Variants in TNFSF4 observed in about 807,000 individuals in gnomAD.
The protein encoded by TNFSF4 is TNF superfamily member 4, also known as tumor necrosis factor ligand superfamily member 4.
In TNFSF4, 4 loss-of-function variants were observed where a neutral mutation model predicts 7.3. The observed-to-expected ratio is 0.55, with a 90% confidence interval of 0.27 to 1.25. The LOEUF (loss-of-function observed/expected upper bound fraction) is 1.25, where lower values mean the gene tolerates loss of function less well. Among genes scored for constraint, TNFSF4 ranks in the 50% most tolerant of loss-of-function variants. The probability of loss-of-function intolerance (pLI) is 0.12; values close to 1 mark genes in which losing one functional copy is unlikely to be tolerated. For missense variants in TNFSF4, 181 were observed against 208.8 expected (o/e 0.87, Z 0.82); for synonymous variants, 76 against 83.7 (o/e 0.91, Z 0.50).
the TNFSF4 span, among the ~76,000 whole-genome samples, chr1:173,286,361 T>C: frequency 6.6e-6 from 1 of 152,282 alleles, no homozygotes; most frequent in African/African-American, 2.4e-5. Context: ...CAAACCATTA[T>C]GAAACTGAAG....
chr1:173,307,256 T>A, the TNFSF4 span, among the ~76,000 whole-genome samples: 2 of 151,986 alleles, frequency 1.3e-5, no homozygotes, highest in Non-Finnish European at 2.9e-5. Flanking sequence ...TTAAGTTATA[T>A]ACTATTGATA....
the TNFSF4 span, among the ~76,000 whole-genome samples, chr1:173,231,885 A>G: frequency 6.6e-6 from 1 of 152,132 alleles, no homozygotes. Flanking sequence ...AGAATAAAAT[A>G]AAGTACTTTA....
At chr1:173,390,777 C>A in the TNFSF4 span, among the ~76,000 whole-genome samples, 1 of 123,032 alleles carries the variant, frequency 8.1e-6, no homozygotes, top group Non-Finnish European at 1.6e-5. Flanking sequence ...TAGAGTTTCG[C>A]TCTTGTTGCC....
At chr1:173,237,095 C>T in the TNFSF4 span, among the ~76,000 whole-genome samples, 2 of 152,176 alleles carry the variant, frequency 1.3e-5, no homozygotes, top group Admixed American at 6.5e-5. Context: ...CTTGCACAAG[C>T]TGTCTTGCCT....
the TNFSF4 span, among the ~76,000 whole-genome samples, chr1:173,369,148 G>C: frequency 6.6e-6 from 1 of 152,114 alleles, no homozygotes; most frequent in Non-Finnish European, 1.5e-5. Context: ...CCATTCATAT[G>C]ATGAGAAGTG....
the TNFSF4 span, among the ~76,000 whole-genome samples, chr1:173,320,958 C>G: frequency 6.6e-6 from 1 of 151,980 alleles, no homozygotes; most frequent in Admixed American, 6.6e-5. Flanking sequence ...GACTTTCTTC[C>G]CAGAATTAGA....
At chr1:173,409,544 C>A in the TNFSF4 span, among the ~76,000 whole-genome samples, 2 of 152,048 alleles carry the variant, frequency 1.3e-5, no homozygotes, top group Non-Finnish European at 2.9e-5. Flanking sequence ...TGCCAGTTTT[C>A]TTTAGGATTG....
the TNFSF4 span, among the ~76,000 whole-genome samples, chr1:173,235,067 C>T: frequency 6.6e-6 from 1 of 152,008 alleles, no homozygotes; most frequent in Non-Finnish European, 1.5e-5. Context: ...TTTAGTGTTC[C>T]CTTTATTTTG....
At chr1:173,210,087 T>C (rs1223434136), upstream of TNFSF4, among the ~76,000 whole-genome samples, 1 of 152,100 alleles carries the variant, frequency 6.6e-6, no homozygotes, top group Admixed American at 6.6e-5. Flanking sequence ...TTTTTTGGTG[T>C]CTGGGTTTTG....
the TNFSF4 span, among the ~76,000 whole-genome samples, chr1:173,226,797 G>A: frequency 6.6e-6 from 1 of 152,250 alleles, no homozygotes; most frequent in South Asian, 2.1e-4. Flanking sequence ...TGCAATTTAA[G>A]TATTTCTCTA....
the TNFSF4 span, among the ~76,000 whole-genome samples, chr1:173,290,218 G>A: frequency 6.6e-6 from 1 of 152,212 alleles, no homozygotes; most frequent in East Asian, 1.9e-4. Context: ...CAACATGATT[G>A]CAGGATCAAA....
At chr1:173,197,847 G>GA (rs545198688) in intron 1 of TNFSF4, among the ~76,000 whole-genome samples, 19 of 146,960 alleles carry the variant, frequency 1.3e-4, no homozygotes, top group African/African-American at 3.5e-4. Context: ...AAAAGTTAAA[G>GA]AAAAAAAAAA....
At chr1:173,208,822 T>C (rs954311297), upstream of TNFSF4, among the ~76,000 whole-genome samples, 2 of 151,398 alleles carry the variant, frequency 1.3e-5, no homozygotes, top group African/African-American at 4.9e-5. Flanking sequence ...TACTCGTCAA[T>C]TTTCAAAAAA....
At chr1:173,440,937 T>G in the TNFSF4 span, among the ~76,000 whole-genome samples, 1 of 152,230 alleles carries the variant, frequency 6.6e-6, no homozygotes, top group African/African-American at 2.4e-5. Flanking sequence ...TAGTTCTAAG[T>G]AATTTTGTCG....
chr1:173,276,199 T>G, the TNFSF4 span, among the ~76,000 whole-genome samples: 3 of 152,100 alleles, frequency 2.0e-5, no homozygotes, highest in Non-Finnish European at 4.4e-5. Context: ...GGTGACATTG[T>G]TTTATGAAAC....
chr1:173,173,880 C>T, the TNFSF4 span, among the ~76,000 whole-genome samples: 1 of 152,232 alleles, frequency 6.6e-6, no homozygotes, highest in African/African-American at 2.4e-5. Flanking sequence ...CTCCGACATG[C>T]CCTGGAGACA....
the TNFSF4 span, among the ~76,000 whole-genome samples, chr1:173,221,695 AC>A: frequency 6.6e-6 from 1 of 152,342 alleles, no homozygotes; most frequent in African/African-American, 2.4e-5. Context: ...TATAAGCACC[AC>A]AATAATTATC....
At chr1:173,260,185 T>C in the TNFSF4 span, among the ~76,000 whole-genome samples, 1 of 152,012 alleles carries the variant, frequency 6.6e-6, no homozygotes, top group African/African-American at 2.4e-5. Flanking sequence ...GGGGCCAATA[T>C]TCAACATTAT....
At chr1:173,369,831 T>C in the TNFSF4 span, among the ~76,000 whole-genome samples, 27 of 152,090 alleles carry the variant, frequency 1.8e-4, no homozygotes, top group Non-Finnish European at 3.1e-4. Context: ...ATACTTTATG[T>C]CCAAGCTTTT....
Sources: allele counts gnomAD v4.1 joint callset (sites outside exome capture counted in the v4.1 genomes callset), GRCh38; gene constraint gnomAD v4.1.1; transcripts MANE v1.5; gene names NCBI Gene and HGNC (gene_info 2026-07-23, HGNC 2026-07-21).